SRGAP1: variants seen among roughly 807,000 people sequenced by gnomAD.
SRGAP1 encodes the protein SLIT-ROBO Rho GTPase activating protein 1.
Under a neutral mutation model 121.9 loss-of-function variants are expected in SRGAP1, and 43 were observed. The observed-to-expected ratio is 0.35, with a 90% CI of 0.28 to 0.46. The LOEUF (loss-of-function observed/expected upper bound fraction) is 0.46. Ranked by LOEUF, SRGAP1 falls within the 20% of genes least tolerant of loss-of-function variation. The pLI is 1.00. For missense variants in SRGAP1, 1,102 were observed against 1,350.9 expected (o/e 0.82, Z 2.89); for synonymous variants, 447 against 485.4 (o/e 0.92, Z 1.04).
intron 4 of SRGAP1, among the ~76,000 whole-genome samples, chr12:64,040,584 G>A (rs1313017600): frequency 3.3e-5 from 5 of 152,172 alleles, no homozygotes; most frequent in Middle Eastern, 3.4e-3. Flanking sequence ...GAATTCACCC[G>A]GATGTCTGAC....
chr12:63,858,817 C>G (rs1208053122), intron 1 of SRGAP1, among the ~76,000 whole-genome samples: 15 of 152,128 alleles, frequency 9.9e-5, no homozygotes, highest in Admixed American at 9.8e-4. Flanking sequence ...ATTCTCCTGC[C>G]TCAACCTCCC....
At chr12:64,114,986 C>T (rs1286002022) in intron 17 of SRGAP1, among the ~76,000 whole-genome samples, 4 of 152,112 alleles carry the variant, frequency 2.6e-5, no homozygotes, top group African/African-American at 4.8e-5. Context: ...CATTTATCAG[C>T]ACACAGTTGA....
intron 1 of SRGAP1, among the ~76,000 whole-genome samples, chr12:63,904,485 A>G (rs553438468): frequency 1.8e-4 from 28 of 152,342 alleles, no homozygotes; most frequent in Admixed American, 1.8e-3. Context: ...CAAAAGGATT[A>G]AATAACTAGG....
intron 1 of SRGAP1, among the ~76,000 whole-genome samples, chr12:63,938,886 G>A (rs2031762377): frequency 6.6e-6 from 1 of 151,804 alleles, no homozygotes. Context: ...TGGGTGTAGT[G>A]ACTCATACCT....
chr12:64,012,006 G>A (rs1185079464), intron 3 of SRGAP1, among the ~76,000 whole-genome samples: 1 of 152,054 alleles, frequency 6.6e-6, no homozygotes, highest in Admixed American at 6.6e-5. Context: ...AGGCTGAGGT[G>A]GGAGAATCTC....
rs1355801470 is a variant in SRGAP1, at chr12:64,142,544, C to T, written c.3130C>T (p.Pro1044Ser). 1.2e-6 allele frequency: 2 copies of T among 1,614,192 alleles called. No individual in the cohort carries two copies. The highest frequency in any genetic ancestry group is 1.7e-6 in the Non-Finnish European group (2 of 1,180,042). ...TMSTFKPMVA[P>S]RMGVQLKPPA... ...GAGTACTTTCAAGCCTATGGTGGCA[C>T]CCAGAATGGGCGTGCAGCTGAAGCC... The change falls in exon 22 of 22, where the codon CCC (proline) becomes TCC (serine). Residue 1044 changes from proline to serine, a missense_variant. This residue lies in a region of SRGAP1 where 315 missense variants were observed against 343.1 expected (regional missense o/e 0.92). Transcript: ENST00000355086.
In SRGAP1 at chr12:63,994,322, A is replaced by T. The variant is rs79117779; in HGVS notation, c.426+4250A>T. ...GTGTCCTCATTCTAAGGAGAGTATC[A>T]TAATGATGTGAAAAACCCTTCCAGA... On this transcript the variant is annotated intron_variant, in intron 3 of 21. Coordinates refer to ENST00000355086, the MANE Select transcript of SRGAP1 (RefSeq NM_020762.4). Among the ~76,000 whole-genome samples the T allele has an allele frequency of 8.5e-3, 1,294 of 152,336 alleles. 51 individuals carry two copies. The highest frequency in any genetic ancestry group is 0.069 in the East Asian group (356 of 5,182).
At chr12:63,852,616 CTT>C (rs1031188244) in intron 1 of SRGAP1, among the ~76,000 whole-genome samples, 12 of 152,168 alleles carry the variant, frequency 7.9e-5, no homozygotes, top group African/African-American at 2.7e-4. Context: ...TTAAGAATAA[CTT>C]TTGTTTTAAA....
At chr12:63,899,153 G>A (rs1441039629) in intron 1 of SRGAP1, among the ~76,000 whole-genome samples, 1 of 152,098 alleles carries the variant, frequency 6.6e-6, no homozygotes, top group Non-Finnish European at 1.5e-5. Flanking sequence ...AGGCAGAGGT[G>A]GGTGGATCAC....
At chr12:63,857,045 A>G (rs1899274198) in intron 1 of SRGAP1, among the ~76,000 whole-genome samples, 1 of 151,064 alleles carries the variant, frequency 6.6e-6, no homozygotes, top group South Asian at 2.1e-4. Flanking sequence ...ATCTCTTTCA[A>G]GAGTGTTTTC....
chr12:63,999,578 G>T (rs1037753480), intron 3 of SRGAP1, among the ~76,000 whole-genome samples: 3 of 152,130 alleles, frequency 2.0e-5, no homozygotes, highest in Non-Finnish European at 4.4e-5. Flanking sequence ...AGATGTAGAG[G>T]GAGCAGTCAG....
At chr12:64,095,825 C>G (rs184978989) in intron 14 of SRGAP1, among the ~76,000 whole-genome samples, 4 of 152,130 alleles carry the variant, frequency 2.6e-5, no homozygotes, top group Non-Finnish European at 5.9e-5. Context: ...GTGTAATGAT[C>G]AAATCAGGGT....
chr12:64,043,848 C>A (rs1397608444), intron 6 of SRGAP1, among the ~76,000 whole-genome samples: 2 of 152,034 alleles, frequency 1.3e-5, no homozygotes, highest in Non-Finnish European at 2.9e-5. Flanking sequence ...AAGACAGGGC[C>A]CAGTCATTTG....
intron 4 of SRGAP1, among the ~76,000 whole-genome samples, chr12:64,041,747 G>C (rs1361321227): frequency 6.6e-6 from 1 of 151,828 alleles, no homozygotes; most frequent in African/African-American, 2.4e-5. Context: ...CATTTTTAAA[G>C]GAAGAAATGT....
intron 1 of SRGAP1, among the ~76,000 whole-genome samples, chr12:63,934,712 A>G (rs1017161122): frequency 6.6e-6 from 1 of 152,126 alleles, no homozygotes; most frequent in Non-Finnish European, 1.5e-5. Context: ...GGATACCTCA[A>G]AGATACTAAC....
rs560925294 is a variant in SRGAP1 at position 64,161,284 on chromosome 12, A to G, written c.*18612A>G. 1 of 152,288 alleles carries G rather than the reference A, an allele frequency of 6.6e-6. No individual in the cohort carries two copies. The highest frequency in any genetic ancestry group is 1.5e-5 in the Non-Finnish European group (1 of 68,016). The allele number at this position is 152,288 out of a possible 1,614,324, so 9.4% of individuals were successfully genotyped here. A position where few individuals can be genotyped will look rare whatever the true frequency, so the allele number is the denominator to read the frequency against. On this transcript the variant is annotated 3_prime_UTR_variant, in exon 22 of 22. Coordinates refer to ENST00000355086, the MANE Select transcript of SRGAP1 (RefSeq NM_020762.4). Reference sequence around the variant, plus strand: ...CAAGGAAGATTTATTTGATTATTTTATCTCCTCCATTCCATCTGTTTTCTT... The same window carrying G: ...CAAGGAAGATTTATTTGATTATTTTGTCTCCTCCATTCCATCTGTTTTCTT...
At chr12:63,865,891 C>T (rs1899612716) in intron 1 of SRGAP1, among the ~76,000 whole-genome samples, 1 of 151,642 alleles carries the variant, frequency 6.6e-6, no homozygotes, top group African/African-American at 2.4e-5. Context: ...TTTTTTGGTG[C>T]AAGTTTGGTT....
At position 64,087,036 on chromosome 12, in the gene SRGAP1, TA is replaced by T. The variant is rs749159024; in HGVS notation, c.1436+11del. ...AATATATGACTACAAGGTAGGAAAA[TA>T]TTTTATCATAACTTATAGCGTATTT... On this transcript the variant is annotated intron_variant, in intron 11 of 21. Transcript: ENST00000355086. 195 of 1,578,882 alleles carry T rather than the reference TA, an allele frequency of 1.2e-4. No individual in the cohort carries two copies. Among genetic ancestry groups the T allele is most frequent in the Admixed American group, 2.1e-4 (12 of 57,704 alleles).
intron 1 of SRGAP1, among the ~76,000 whole-genome samples, chr12:63,883,958 A>G (rs1900282522): frequency 6.8e-6 from 1 of 146,478 alleles, no homozygotes; most frequent in South Asian, 2.4e-4. Flanking sequence ...GTGCCCGGCC[A>G]AGGGAAATGC....
Sources: allele counts gnomAD v4.1 joint callset (sites outside exome capture counted in the v4.1 genomes callset), GRCh38; gene constraint gnomAD v4.1.1; regional missense constraint gnomAD v4.1.1; transcripts MANE v1.5; gene names NCBI Gene and HGNC (gene_info 2026-07-23, HGNC 2026-07-21).